The following RBFOX1 variants were observed in gnomAD, a reference collection of about 807,000 sequenced individuals.
RBFOX1 encodes RNA binding protein fox-1 homolog 1.
In RBFOX1, 8 loss-of-function variants were observed where a neutral mutation model predicts 57.7. The ratio of observed to expected loss-of-function variants is 0.14; its 90% CI spans 0.08 to 0.25. The LOEUF (loss-of-function observed/expected upper bound fraction) is 0.25. Ranked by LOEUF, RBFOX1 falls within the 10% of genes least tolerant of loss-of-function variation. RBFOX1 has a pLI of 1.00. For missense variants in RBFOX1, 611 were observed against 548.5 expected, an observed-to-expected ratio of 1.11 and a Z score of -1.14; for synonymous variants, 326 against 222.4, an observed-to-expected ratio of 1.47 and a Z score of -4.15.
At chr16:7,371,640 C>G (rs537478763) in intron 4 of RBFOX1, among the ~76,000 whole-genome samples, 1 of 152,162 alleles carries the variant, frequency 6.6e-6, no homozygotes, top group Admixed American at 6.5e-5. Context: ...ATCCCAGCTA[C>G]TCAGGATACT....
At chr16:7,273,177 C>T (rs1485035901) in intron 4 of RBFOX1, among the ~76,000 whole-genome samples, 2 of 138,800 alleles carry the variant, frequency 1.4e-5, no homozygotes, top group Non-Finnish European at 3.1e-5. Flanking sequence ...TCTCTCCCTC[C>T]CTTCCTTCCT....
chr16:7,135,486 C>T (rs1447402378), intron 4 of RBFOX1, among the ~76,000 whole-genome samples: 1 of 152,168 alleles, frequency 6.6e-6, no homozygotes, highest in Non-Finnish European at 1.5e-5. Context: ...TCCGTGAATA[C>T]TAAGGGGTGT....
At chr16:6,559,387 T>G (rs138591371) in intron 2 of RBFOX1, among the ~76,000 whole-genome samples, 215 of 152,196 alleles carry the variant, frequency 1.4e-3, no homozygotes, top group African/African-American at 4.6e-3. Context: ...TATACATATA[T>G]AGATATAGAT....
chr16:6,013,501 C>A (rs182580729), intron 4 of RBFOX1, among the ~76,000 whole-genome samples: 1 of 152,194 alleles, frequency 6.6e-6, no homozygotes, highest in African/African-American at 2.4e-5. Flanking sequence ...TGATTCTAAG[C>A]CTGGCTACAT....
chr16:7,081,281 A>ATTG (rs2059156751), intron 4 of RBFOX1, among the ~76,000 whole-genome samples: 1 of 152,182 alleles, frequency 6.6e-6, no homozygotes, highest in African/African-American at 2.4e-5. Flanking sequence ...GTGATCCACC[A>ATTG]GCCTTGGCCT....
chr16:7,075,110 T>C (rs1249914911), intron 4 of RBFOX1, among the ~76,000 whole-genome samples: 1 of 152,230 alleles, frequency 6.6e-6, no homozygotes, highest in Non-Finnish European at 1.5e-5. Context: ...ATTTGAAATG[T>C]GTACTCATGG....
intron 4 of RBFOX1, among the ~76,000 whole-genome samples, chr16:7,490,431 G>GA (rs1217959182): frequency 6.6e-6 from 1 of 152,186 alleles, no homozygotes; most frequent in African/African-American, 2.4e-5. Flanking sequence ...TATGATTCTA[G>GA]TTTCACTGTT....
intron 4 of RBFOX1, among the ~76,000 whole-genome samples, chr16:7,405,998 A>G (rs956005056): frequency 3.9e-5 from 6 of 152,104 alleles, no homozygotes. Context: ...GCTGCAATTG[A>G]TCCTGCAACA....
Position 7,579,802 on chromosome 16 carries a change from A to G in RBFOX1, c.296A>G (p.Asp99Gly), listed in dbSNP as rs767727545. 1.9e-6 allele frequency: 3 copies of G among 1,613,962 alleles called. No individual in the cohort carries two copies. Among genetic ancestry groups the G allele is most frequent in the Non-Finnish European group, 2.5e-6 (3 of 1,179,986 alleles). ...ATQTDDAAPT[D>G]GQPQTQPSEN... ...CAGACAGATGACGCAGCACCGACGG[A>G]TGGCCAGCCCCAGACACAACCTTCT... The change falls in exon 6 of 16, where the codon GAT (aspartate) becomes GGT (glycine). Residue 99 changes from aspartate to glycine, a missense_variant. Asp to Gly is a moderately conservative substitution (Grantham distance 94). Coordinates refer to ENST00000550418, the MANE Select transcript of RBFOX1 (RefSeq NM_018723.4).
chr16:5,847,416 A>G (rs978189015), intron 3 of RBFOX1, among the ~76,000 whole-genome samples: 1 of 152,170 alleles, frequency 6.6e-6, no homozygotes, highest in African/African-American at 2.4e-5. Context: ...CAAAGGATTA[A>G]AATGTGTGCA....
At chr16:5,564,365 C>T (rs1427582172) in intron 2 of RBFOX1, among the ~76,000 whole-genome samples, 1 of 152,086 alleles carries the variant, frequency 6.6e-6, no homozygotes, top group African/African-American at 2.4e-5. Flanking sequence ...CACCTTCTGC[C>T]ATTTGATGAT....
chr16:6,492,209 G>A (rs1032374880), intron 2 of RBFOX1, among the ~76,000 whole-genome samples: 1 of 152,124 alleles, frequency 6.6e-6, no homozygotes, highest in Non-Finnish European at 1.5e-5. Context: ...GATGAAACAG[G>A]CATTTTATAT....
intron 3 of RBFOX1, among the ~76,000 whole-genome samples, chr16:5,832,471 T>C (rs1394013590): frequency 6.6e-6 from 1 of 152,212 alleles, no homozygotes; most frequent in African/African-American, 2.4e-5. Flanking sequence ...ACAATGGAAA[T>C]TGATAATAGT....
intron 2 of RBFOX1, among the ~76,000 whole-genome samples, chr16:6,407,566 T>TCACAGA (rs1555459681): frequency 4.6e-5 from 1 of 21,938 alleles, no homozygotes; most frequent in Non-Finnish European, 7.9e-5. Context: ...TGTGTGTGTG[T>TCACAGA]GACAGAGAGA....
intron 3 of RBFOX1, among the ~76,000 whole-genome samples, chr16:6,697,539 C>T (rs1303219453): frequency 6.6e-6 from 1 of 152,172 alleles, no homozygotes; most frequent in Non-Finnish European, 1.5e-5. Context: ...ATTGTGTGAT[C>T]ACATGGTCCA....
At chr16:6,807,387 C>T (rs2087116239) in intron 3 of RBFOX1, among the ~76,000 whole-genome samples, 2 of 152,046 alleles carry the variant, frequency 1.3e-5, no homozygotes, top group Non-Finnish European at 2.9e-5. Flanking sequence ...TTGATTTCTG[C>T]ATTTAGGGTT....
At chr16:6,826,671 C>T (rs147924020) in intron 3 of RBFOX1, among the ~76,000 whole-genome samples, 1 of 151,994 alleles carries the variant, frequency 6.6e-6, no homozygotes, top group Non-Finnish European at 1.5e-5. Context: ...TGCTACCAGC[C>T]TAAGAGCTCA....
chr16:5,571,223 T>G (rs1267731835), intron 2 of RBFOX1, among the ~76,000 whole-genome samples: 1 of 142,698 alleles, frequency 7.0e-6, no homozygotes, highest in Admixed American at 7.1e-5. Context: ...GACTTTTTTT[T>G]TTTTTTTTTT....
chr16:7,402,257 T>G (rs967038189), intron 4 of RBFOX1, among the ~76,000 whole-genome samples: 9 of 152,186 alleles, frequency 5.9e-5, no homozygotes, highest in Non-Finnish European at 1.0e-4. Flanking sequence ...TCAACTAAGT[T>G]ATTCAGTCCC....
Sources: gnomAD v4.1 joint callset for allele counts (sites outside exome capture counted in the v4.1 genomes callset) on GRCh38, gnomAD v4.1.1 for gene constraint, MANE v1.5 for transcripts, NCBI Gene and HGNC (gene_info 2026-07-23, HGNC 2026-07-21) for gene names.